Variants in SMURF2 observed in about 807,000 individuals in gnomAD.
The protein encoded by SMURF2 is E3 ubiquitin-protein ligase SMURF2.
A neutral mutation model predicts 109.6 loss-of-function variants in SMURF2; 48 were observed. The observed-to-expected ratio is 0.44, with a 90% CI of 0.35 to 0.56. SMURF2 has a LOEUF of 0.56. Ranked by LOEUF, SMURF2 falls within the 20% of genes least tolerant of loss-of-function variation. SMURF2 has a pLI of 0.01. For missense variants in SMURF2, 575 were observed against 909.0 expected (o/e 0.63, Z 4.72); for synonymous variants, 288 against 317.1 (o/e 0.91, Z 0.97).
chr17:64,612,249 G>A (rs1198490816), intron 1 of SMURF2, among the ~76,000 whole-genome samples: 6 of 152,060 alleles, frequency 3.9e-5, no homozygotes, highest in African/African-American at 1.4e-4. Context: ...CATTACGCCT[G>A]GCACTTGATA....
intron 1 of SMURF2, among the ~76,000 whole-genome samples, chr17:64,651,985 C>T (rs1177134443): frequency 2.0e-5 from 3 of 152,170 alleles, no homozygotes; most frequent in African/African-American, 7.2e-5. Flanking sequence ...CAATCACCTC[C>T]TTTCTTTTCT....
chr17:64,617,077 A>T (rs1468286803), intron 1 of SMURF2, among the ~76,000 whole-genome samples: 1 of 149,618 alleles, frequency 6.7e-6, no homozygotes, highest in African/African-American at 2.4e-5. Flanking sequence ...AAAAAAAAAA[A>T]AAAAAAAAAA....
chr17:64,563,781 AT>A (rs1355043525), intron 10 of SMURF2, among the ~76,000 whole-genome samples: 2 of 152,056 alleles, frequency 1.3e-5, no homozygotes, highest in African/African-American at 4.8e-5. Flanking sequence ...CCATTTTTAA[AT>A]TTTTTTTAAA....
intron 1 of SMURF2, among the ~76,000 whole-genome samples, chr17:64,628,938 T>C (rs1455005423): frequency 2.0e-5 from 3 of 152,172 alleles, no homozygotes; most frequent in African/African-American, 7.2e-5. Context: ...CCATGTAGTA[T>C]GGGACAGACA....
Position 64,555,967 on chromosome 17 carries a change from C to T in SMURF2, c.1463G>A (p.Arg488Gln), listed in dbSNP as rs782611657. ...EHLSYFHFVG[R>Q]IMGMAVFHGH... Reference sequence around the variant, plus strand: ...ATGAAACACAGCCATTCCCATTATTCGTCCAACAAAGTGGAAATAGGATAA... The same window carrying T: ...ATGAAACACAGCCATTCCCATTATTTGTCCAACAAAGTGGAAATAGGATAA... Residue 488 changes from arginine (R) to glutamine (Q), a missense_variant, in exon 14 of 19, where the codon CGA (arginine) becomes CAA (glutamine). Transcript: ENST00000262435. The T allele has an allele frequency of 1.9e-6, 3 of 1,611,958 alleles. No individual in the cohort carries two copies. The highest frequency in any genetic ancestry group is 1.7e-6 in the Non-Finnish European group (2 of 1,178,846).
At chr17:64,580,587 G>C (rs1031116727) in intron 8 of SMURF2, among the ~76,000 whole-genome samples, 4 of 152,188 alleles carry the variant, frequency 2.6e-5, no homozygotes, top group Non-Finnish European at 5.9e-5. Flanking sequence ...CGCTGAGGCT[G>C]AATGATGAGC....
intron 10 of SMURF2, among the ~76,000 whole-genome samples, chr17:64,566,845 C>T (rs1377053618): frequency 1.5e-4 from 22 of 150,214 alleles, no homozygotes; most frequent in Admixed American, 1.2e-3. Flanking sequence ...GCTGGGATTA[C>T]AGGCGTGAGC....
rs782692376 is a variant in SMURF2 at position 64,547,566 on chromosome 17, C to T, written c.2071+34G>A. On this transcript the variant is annotated intron_variant, in intron 17 of 18. Coordinates refer to ENST00000262435, the MANE Select transcript of SMURF2 (RefSeq NM_022739.4). This position sits in a 1 kb window ranked among gnomAD's most constrained non-coding sequence, Gnocchi z 4.2. The stretch of plus-strand genomic sequence containing the variant: ...CCACGCTGACAGCCCCGCCCCCACC[C>T]GCTGCCCAGCTTGCCTGCACCTCAG... 13 of 1,604,314 alleles carry T rather than the reference C, an allele frequency of 8.1e-6. No individual in the cohort carries two copies. The highest frequency in any genetic ancestry group is 6.6e-5 in the South Asian group (6 of 90,876).
chr17:64,545,814 A>T lies in SMURF2; in HGVS notation c.*34T>A. 8.0e-7 allele frequency: 1 copy of T among 1,250,644 alleles called. No individual in the cohort carries two copies. Among genetic ancestry groups the T allele is most frequent in the East Asian group, 2.4e-5 (1 of 40,832 alleles). 77.5% of individuals were successfully genotyped at this position (1,250,644 alleles called of 1,614,324 possible). A position where few individuals can be genotyped will look rare whatever the true frequency, so the allele number is the denominator to read the frequency against. On this transcript the variant is annotated 3_prime_UTR_variant, in exon 19 of 19. Transcript: ENST00000262435. ...AAAGGAGGCTGTCAGTCAGGGTTGTATAAATAGAGTCCTGGGTAAATCCTT... is the reference window on the plus strand; with the variant it reads ...AAAGGAGGCTGTCAGTCAGGGTTGTTTAAATAGAGTCCTGGGTAAATCCTT...
chr17:64,614,301 C>G (rs543260332), intron 1 of SMURF2, among the ~76,000 whole-genome samples: 2 of 152,266 alleles, frequency 1.3e-5, no homozygotes, highest in East Asian at 3.9e-4. Context: ...TTAATTTTCA[C>G]CAATTTTTGT....
intron 13 of SMURF2, 22 bp downstream of exon 13, chr17:64,557,586 A>T: frequency 7.3e-7 from 1 of 1,370,786 alleles, no homozygotes; most frequent in Non-Finnish European, 1.0e-6. Context: ...GTCACAATTC[A>T]CATCATAACT....
At chr17:64,645,666 G>A (rs1970549811) in intron 1 of SMURF2, among the ~76,000 whole-genome samples, 1 of 152,192 alleles carries the variant, frequency 6.6e-6, no homozygotes, top group Non-Finnish European at 1.5e-5. Flanking sequence ...TCAAGACAGG[G>A]TATCGCTATG....
At chr17:64,612,176 G>A (rs1359497902) in intron 1 of SMURF2, among the ~76,000 whole-genome samples, 1 of 151,964 alleles carries the variant, frequency 6.6e-6, no homozygotes, top group Non-Finnish European at 1.5e-5. Flanking sequence ...TTATAATTGC[G>A]GAGGTGGTAA....
intron 1 of SMURF2, among the ~76,000 whole-genome samples, chr17:64,647,210 T>C (rs1050988588): frequency 6.6e-6 from 1 of 152,182 alleles, no homozygotes; most frequent in Non-Finnish European, 1.5e-5. Context: ...TCATTATTCT[T>C]AGTCTTCTTC....
chr17:64,568,056 G>A (rs781809243), intron 10 of SMURF2, among the ~76,000 whole-genome samples: 71 of 151,836 alleles, frequency 4.7e-4, no homozygotes, highest in Non-Finnish European at 8.2e-4. Flanking sequence ...GGGTTTCACC[G>A]TATTAGCCAG....
At chr17:64,594,574 A>C (rs1265529484) in intron 3 of SMURF2, among the ~76,000 whole-genome samples, 5 of 152,182 alleles carry the variant, frequency 3.3e-5, no homozygotes, top group African/African-American at 9.7e-5. Context: ...TTCAGTATGC[A>C]TGTACCAATT....
chr17:64,586,868 T>C (rs1555687149), intron 5 of SMURF2, among the ~76,000 whole-genome samples: 1 of 145,836 alleles, frequency 6.9e-6, no homozygotes, highest in African/African-American at 2.5e-5. Context: ...CATCTGACCA[T>C]CTAAAAAATA....
intron 5 of SMURF2, among the ~76,000 whole-genome samples, chr17:64,586,466 T>C (rs1388860153): frequency 6.6e-6 from 1 of 152,104 alleles, no homozygotes; most frequent in African/African-American, 2.4e-5. Flanking sequence ...AGAAGAGGCA[T>C]AGCTGGGCGC....
Position 64,547,518 on chromosome 17 carries a change from T to C in SMURF2, c.2071+82A>G. On this transcript the variant is annotated intron_variant, in intron 17 of 18. Transcript: ENST00000262435. The surrounding 1 kb of genome is among the most constrained non-coding windows in gnomAD (Gnocchi z 4.2). ...AAAAAGAGAATCTCTAAGCACATGG[T>C]TTACAAAATATCTCCACAGACCCCA... The C allele has an allele frequency of 8.5e-7, 1 of 1,181,236 alleles. No homozygotes were observed. Among genetic ancestry groups the C allele is most frequent in the East Asian group, 2.3e-5 (1 of 42,568 alleles). The allele number at this position is 1,181,236 out of a possible 1,614,324, so 73.2% of individuals were successfully genotyped here.
Sources: gnomAD v4.1 joint callset for allele counts (sites outside exome capture counted in the v4.1 genomes callset) on GRCh38, gnomAD v4.1.1 for gene constraint, Gnocchi (gnomAD v3.1) non-coding constraint, MANE v1.5 for transcripts, NCBI Gene and HGNC (gene_info 2026-07-23, HGNC 2026-07-21) for gene names.